Variants in EIF2AK3 observed in about 807,000 individuals in gnomAD.
EIF2AK3 encodes eukaryotic translation initiation factor 2-alpha kinase 3.
A neutral mutation model predicts 113.5 loss-of-function variants in EIF2AK3; 50 were observed. That is an observed-to-expected ratio of 0.44 (90% confidence interval 0.35 to 0.56). The LOEUF is 0.56. Ranked by LOEUF, EIF2AK3 falls within the 20% of genes least tolerant of loss-of-function variation. EIF2AK3 has a pLI of 0.00. For synonymous variants in EIF2AK3, 448 were observed against 495.4 expected (o/e 0.90, Z 1.27); for missense variants, 1,185 against 1,378.0 (o/e 0.86, Z 2.22).
At chr2:88,619,762 C>T (rs1220109482) in intron 1 of EIF2AK3, among the ~76,000 whole-genome samples, 2 of 151,916 alleles carry the variant, frequency 1.3e-5, no homozygotes, top group Non-Finnish European at 1.5e-5. Context: ...AAGACCAACC[C>T]GGCCAACATG....
chr2:88,560,882 GATAAA>G (rs1393430732), intron 15 of EIF2AK3, among the ~76,000 whole-genome samples: 3 of 151,856 alleles, frequency 2.0e-5, no homozygotes, highest in Non-Finnish European at 2.9e-5. Context: ...ATCTAAAACT[GATAAA>G]ATAAGAAATA....
intron 2 of EIF2AK3, among the ~76,000 whole-genome samples, chr2:88,610,209 T>C (rs1364450197): frequency 6.6e-6 from 1 of 152,232 alleles, no homozygotes; most frequent in Admixed American, 6.5e-5. Context: ...ACTTTTCTGA[T>C]GAGATCAGTG....
At chr2:88,614,505 T>C (rs1292857014) in intron 1 of EIF2AK3, among the ~76,000 whole-genome samples, 5 of 152,188 alleles carry the variant, frequency 3.3e-5, no homozygotes, top group Admixed American at 6.5e-5. Flanking sequence ...CTCAATTCTT[T>C]GGGTTTTCAA....
intron 1 of EIF2AK3, among the ~76,000 whole-genome samples, chr2:88,625,423 A>G (rs1675836660): frequency 6.6e-6 from 1 of 151,616 alleles, no homozygotes; most frequent in Non-Finnish European, 1.5e-5. Context: ...TTACAATTTT[A>G]CCCATTTTTC....
rs1182428837 is a variant in EIF2AK3, at chr2:88,575,377, A to T, written c.2106T>A (p.Pro702=). Residue 702 remains proline, a synonymous_variant, in exon 13 of 17, where the codon CCT becomes CCA. Coordinates refer to ENST00000303236, the MANE Select transcript of EIF2AK3 (RefSeq NM_004836.7). ...APSVKIRRMD[P]FATKEHIEII... ...TTTCAATATGTTCTTTTGTAGCGAA[A>T]GGATCCATTCTGCGTATTTTAACTG... 2.5e-6 allele frequency: 4 copies of T among 1,613,804 alleles called. No homozygotes were observed. Among genetic ancestry groups the T allele is most frequent in the Non-Finnish European group, 3.4e-6 (4 of 1,180,038 alleles).
intron 1 of EIF2AK3, among the ~76,000 whole-genome samples, chr2:88,624,442 T>C (rs1675809239): frequency 6.6e-6 from 1 of 152,240 alleles, no homozygotes; most frequent in Admixed American, 6.5e-5. Context: ...AATTTGAGTA[T>C]TGTCTCTGCT....
At chr2:88,605,833 T>C (rs897953017) in intron 2 of EIF2AK3, among the ~76,000 whole-genome samples, 88 of 151,472 alleles carry the variant, frequency 5.8e-4, no homozygotes, top group Non-Finnish European at 1.2e-3. Flanking sequence ...CCTGGAAACA[T>C]TGGGGAAAGT....
chr2:88,560,636 G>C (rs2104383759), intron 15 of EIF2AK3, among the ~76,000 whole-genome samples: 1 of 152,066 alleles, frequency 6.6e-6, no homozygotes, highest in Non-Finnish European at 1.5e-5. Flanking sequence ...TATAAATTTT[G>C]ATGCCATCTG....
intron 2 of EIF2AK3, among the ~76,000 whole-genome samples, chr2:88,613,137 A>AG (rs1001376976): frequency 5.3e-5 from 8 of 152,158 alleles, no homozygotes; most frequent in African/African-American, 1.7e-4. Context: ...TAAAGCTCTG[A>AG]GGGGCTTGAA....
chr2:88,627,184 C>G lies in EIF2AK3; in HGVS notation c.91G>C (p.Gly31Arg). 2 of 1,447,108 alleles carry G rather than the reference C, an allele frequency of 1.4e-6. No homozygotes were observed. The highest frequency in any genetic ancestry group is 9.0e-7 in the Non-Finnish European group (1 of 1,105,096). The allele number at this position is 1,447,108 out of a possible 1,614,324, so 89.6% of individuals were successfully genotyped here. Reference sequence around the variant, plus strand: ...GGCGCTGGGAGGCCACGGGCGCGCCCCGCGGCCACCGTCCTTGCCGCGAGC... The same window carrying G: ...GGCGCTGGGAGGCCACGGGCGCGCCGCGCGGCCACCGTCCTTGCCGCGAGC... ...LGLAARTVAA[G>R]RARGLPAPTA... Residue 31 changes from glycine (G) to arginine (R), a missense_variant, in exon 1 of 17, where the codon GGG becomes CGG. Around this residue, in one of 3 missense-constraint regions of EIF2AK3, gnomAD observed 189 missense variants for 175.2 expected, o/e 1.08. Transcript: ENST00000303236.
intron 2 of EIF2AK3, among the ~76,000 whole-genome samples, chr2:88,607,647 G>A (rs751962104): frequency 3.9e-5 from 6 of 152,060 alleles, no homozygotes; most frequent in Non-Finnish European, 7.4e-5. Flanking sequence ...TTCCATTGAC[G>A]TAATCAAAAT....
chr2:88,592,582 G>A (rs532206432), intron 4 of EIF2AK3, among the ~76,000 whole-genome samples: 1 of 152,090 alleles, frequency 6.6e-6, no homozygotes, highest in Admixed American at 6.6e-5. Context: ...TAACCAACGT[G>A]GAGAAACCCC....
rs1336652640 is a variant in EIF2AK3, at chr2:88,627,444, C to A, written c.-170G>T. ...CCACGTCTCAGCCCGGCCTCTGCCG[C>A]TGCCACCTGAGTGACAGCCTATCTC... On this transcript the variant is annotated 5_prime_UTR_variant, in exon 1 of 17. Transcript: ENST00000303236. 6 of 799,550 alleles carry A rather than the reference C, an allele frequency of 7.5e-6. No individual in the cohort carries two copies. Among genetic ancestry groups the A allele is most frequent in the African/African-American group, 5.4e-5 (3 of 55,326 alleles). The allele number at this position is 799,550 out of a possible 1,614,324, so 49.5% of individuals were successfully genotyped here. A position where few individuals can be genotyped will look rare whatever the true frequency, so the allele number is the denominator to read the frequency against.
chr2:88,617,956 A>G (rs376208232), intron 1 of EIF2AK3, among the ~76,000 whole-genome samples: 13 of 152,126 alleles, frequency 8.5e-5, no homozygotes, highest in African/African-American at 2.9e-4. Flanking sequence ...ACGCAGGAGA[A>G]CTGCTTGGAG....
intron 10 of EIF2AK3, among the ~76,000 whole-genome samples, chr2:88,581,296 T>A (rs7591860): frequency 9.2e-5 from 14 of 151,842 alleles, no homozygotes; most frequent in African/African-American, 3.4e-4. Context: ...CAATTTTGAG[T>A]ATATTTTTCT....
intron 2 of EIF2AK3, among the ~76,000 whole-genome samples, chr2:88,601,156 A>G (rs149745708): frequency 2.0e-5 from 3 of 152,288 alleles, no homozygotes; most frequent in African/African-American, 7.2e-5. Context: ...TACATATTAC[A>G]TCTGATTCTT....
At chr2:88,626,716 C>A (rs2103991349) in intron 1 of EIF2AK3, among the ~76,000 whole-genome samples, 1 of 152,400 alleles carries the variant, frequency 6.6e-6, no homozygotes, top group Non-Finnish European at 1.5e-5. Flanking sequence ...GAATTCCATT[C>A]TCCCGCACCT....
chr2:88,587,903 T>C (rs1674778977), intron 8 of EIF2AK3, 79 bp downstream of exon 8: 2 of 1,002,448 alleles, frequency 2.0e-6, no homozygotes. Context: ...GTCTATACTC[T>C]AATCGACTTT....
At chr2:88,626,895 C>G (rs986885883) in intron 1 of EIF2AK3, 72 bp downstream of exon 1, 1 of 1,559,386 alleles carries the variant, frequency 6.4e-7, no homozygotes, top group Non-Finnish European at 8.7e-7. Flanking sequence ...CGGATCTCCG[C>G]CCCCCTACAC....
Sources: gnomAD v4.1 joint callset for allele counts (sites outside exome capture counted in the v4.1 genomes callset) on GRCh38, gnomAD v4.1.1 for gene constraint, gnomAD v4.1.1 regional missense constraint, MANE v1.5 for transcripts, NCBI Gene and HGNC (gene_info 2026-07-23, HGNC 2026-07-21) for gene names.